Variants in KLF12 observed in about 807,000 individuals in gnomAD.
KLF12 encodes the protein Krueppel-like factor 12.
Under a neutral mutation model 37.8 loss-of-function variants are expected in KLF12, and 9 were observed. The observed-to-expected ratio is 0.24, with a 90% confidence interval of 0.14 to 0.42. KLF12 has a LOEUF of 0.42. KLF12 is among the 10% of genes least tolerant of loss of function. The pLI is 1.00. For synonymous variants in KLF12, 208 were observed against 202.1 expected (o/e 1.03, Z -0.25); for missense variants, 411 against 516.0 (o/e 0.80, Z 1.97).
intron 1 of KLF12, among the ~76,000 whole-genome samples, chr13:74,101,729 G>T (rs1319750835): frequency 6.6e-6 from 1 of 152,152 alleles, no homozygotes; most frequent in Non-Finnish European, 1.5e-5. Context: ...TCAAAATAGA[G>T]ACAGTAATGG....
intron 5 of KLF12, among the ~76,000 whole-genome samples, chr13:73,812,144 G>T (rs1026001313): frequency 1.3e-5 from 2 of 150,610 alleles, no homozygotes; most frequent in African/African-American, 2.4e-5. Context: ...GACACATATT[G>T]TATGACACTA....
At chr13:73,895,049 C>T (rs1428511879) in intron 3 of KLF12, among the ~76,000 whole-genome samples, 1 of 152,176 alleles carries the variant, frequency 6.6e-6, no homozygotes, top group Non-Finnish European at 1.5e-5. Flanking sequence ...AAACGTATTT[C>T]TTTCTTTCTT....
At chr13:74,274,182 C>T in the KLF12 span, among the ~76,000 whole-genome samples, 2 of 152,040 alleles carry the variant, frequency 1.3e-5, no homozygotes, top group Admixed American at 1.3e-4. Flanking sequence ...TATATTTAAC[C>T]TAAATCCCTA....
the KLF12 span, among the ~76,000 whole-genome samples, chr13:74,219,306 A>G: frequency 1.2e-4 from 19 of 152,222 alleles, no homozygotes; most frequent in African/African-American, 4.6e-4. Flanking sequence ...ATAATGACCC[A>G]TGAGATGCTT....
At chr13:74,211,474 G>A in the KLF12 span, among the ~76,000 whole-genome samples, 1 of 152,164 alleles carries the variant, frequency 6.6e-6, no homozygotes, top group Non-Finnish European at 1.5e-5. Context: ...ACCACATGAG[G>A]AAAGGCAGAT....
At chr13:74,134,072 G>A (rs1204901135), upstream of KLF12, among the ~76,000 whole-genome samples, 1 of 147,068 alleles carries the variant, frequency 6.8e-6, no homozygotes, top group Non-Finnish European at 1.5e-5. Flanking sequence ...GGCCCGCATC[G>A]AATTACCCCG....
chr13:74,103,519 A>T (rs1413428527), intron 1 of KLF12, among the ~76,000 whole-genome samples: 7 of 152,168 alleles, frequency 4.6e-5, no homozygotes, highest in Non-Finnish European at 8.8e-5. Context: ...AGTCACTAAT[A>T]TTCTCCTAAA....
At chr13:74,298,700 A>G in the KLF12 span, among the ~76,000 whole-genome samples, 2 of 152,208 alleles carry the variant, frequency 1.3e-5, no homozygotes, top group South Asian at 4.1e-4. Flanking sequence ...AGCACTATAA[A>G]AAGAGTTTTA....
chr13:73,894,836 C>A (rs1458668635), intron 3 of KLF12, among the ~76,000 whole-genome samples: 1 of 152,024 alleles, frequency 6.6e-6, no homozygotes, highest in African/African-American at 2.4e-5. Flanking sequence ...TAAATAAGTT[C>A]TATTTTTTAG....
chr13:73,987,345 A>G (rs1046851242), intron 2 of KLF12, among the ~76,000 whole-genome samples: 4 of 152,144 alleles, frequency 2.6e-5, no homozygotes, highest in Admixed American at 2.0e-4. Context: ...TTATACTTCA[A>G]TAAATGTTTT....
intron 3 of KLF12, among the ~76,000 whole-genome samples, chr13:73,898,768 T>C (rs1172420007): frequency 6.6e-6 from 1 of 152,188 alleles, no homozygotes; most frequent in Non-Finnish European, 1.5e-5. Context: ...GACACACATT[T>C]ACACAATACT....
At chr13:74,117,670 T>C (rs894141077) in intron 1 of KLF12, among the ~76,000 whole-genome samples, 1 of 152,184 alleles carries the variant, frequency 6.6e-6, no homozygotes, top group East Asian at 1.9e-4. Flanking sequence ...TGGTATCTTG[T>C]GGATATCATG....
At chr13:74,025,655 A>G (rs1292037383) in intron 1 of KLF12, among the ~76,000 whole-genome samples, 5 of 152,176 alleles carry the variant, frequency 3.3e-5, no homozygotes, top group Admixed American at 6.5e-5. Flanking sequence ...ATTTACTAAC[A>G]TATACTGAGG....
In KLF12 at chr13:73,838,870, T is replaced by C. The variant is rs576124408; in HGVS notation, c.670+6957A>G. On this transcript the variant is annotated intron_variant, in intron 4 of 7. Transcript: ENST00000377669. Reference sequence around the variant, plus strand: ...CATAAGTTAATAAAGAACAAAAGGATAGTGGTTAGGAAAGAAAATTGGGCA... The same window carrying C: ...CATAAGTTAATAAAGAACAAAAGGACAGTGGTTAGGAAAGAAAATTGGGCA... Among the ~76,000 whole-genome samples, 79 of 152,150 alleles carry C rather than the reference T, an allele frequency of 5.2e-4. 1 individual carries two copies. The highest frequency in any genetic ancestry group is 3.4e-3 in the Middle Eastern group (1 of 294).
chr13:74,275,807 C>CTTCTTTCTTTCTTTCTTTCT, the KLF12 span, among the ~76,000 whole-genome samples: 1 of 50,296 alleles, frequency 2.0e-5, no homozygotes, highest in Non-Finnish European at 3.8e-5. Context: ...TCTTTCTTTC[C>CTTCTTTCTTTCTTTCTTTCT]TTCTTTCTTT....
chr13:73,764,949 T>C lies in KLF12; in HGVS notation c.858A>G (p.Gln286=), dbSNP rs776350957. Residue 286 remains glutamine (Q), a synonymous_variant, in exon 6 of 8, where the codon CAA becomes CAG. Coordinates refer to ENST00000377669, the MANE Select transcript of KLF12 (RefSeq NM_007249.5). ...GACTGTATACTCACCAAGGAAACTT[T>C]TGATTATTCATTCGATTGCCCCGGA... The C allele has an allele frequency of 1.3e-5, 21 of 1,568,930 alleles. No homozygotes were observed. Among genetic ancestry groups the C allele is most frequent in the South Asian group, 2.2e-5 (2 of 89,762 alleles).
the KLF12 span, among the ~76,000 whole-genome samples, chr13:74,192,603 T>G: frequency 6.6e-6 from 1 of 152,200 alleles, no homozygotes; most frequent in African/African-American, 2.4e-5. Flanking sequence ...GAAATCAGTT[T>G]CGTTAGTTTA....
chr13:73,702,509 G>A (rs1476238243), intron 7 of KLF12, among the ~76,000 whole-genome samples: 1 of 152,188 alleles, frequency 6.6e-6, no homozygotes, highest in Non-Finnish European at 1.5e-5. Flanking sequence ...TAAGAGGAAT[G>A]TGCAGTTTGA....
chr13:74,287,393 A>AGAGAAT, the KLF12 span, among the ~76,000 whole-genome samples: 2 of 149,526 alleles, frequency 1.3e-5, no homozygotes, highest in Non-Finnish European at 3.0e-5. Context: ...AGAGAGAGAG[A>AGAGAAT]GAATCCACCT....
Sources: allele counts gnomAD v4.1 joint callset (sites outside exome capture counted in the v4.1 genomes callset), GRCh38; gene constraint gnomAD v4.1.1; transcripts MANE v1.5; gene names NCBI Gene and HGNC (gene_info 2026-07-23, HGNC 2026-07-21).